The following ERC1 variants were observed in gnomAD, a reference collection of about 807,000 sequenced individuals.
ERC1 encodes ELKS/RAB6-interacting/CAST family member 1, also known as RAB6 interacting protein 2.
ERC1 carries 56 observed loss-of-function variants against 132.0 expected under a neutral mutation model. That is an observed-to-expected ratio of 0.42 (90% confidence interval 0.34 to 0.53). The LOEUF (loss-of-function observed/expected upper bound fraction) is 0.53. Ranked by LOEUF, ERC1 falls within the 20% of genes least tolerant of loss-of-function variation. ERC1 has a pLI of 0.03. For synonymous variants in ERC1, 478 were observed against 476.1 expected (o/e 1.00, Z -0.05); for missense variants, 1,202 against 1,349.9 (o/e 0.89, Z 1.72).
intron 18 of ERC1, among the ~76,000 whole-genome samples, chr12:1,450,545 T>C (rs2093403580): frequency 6.6e-6 from 1 of 152,226 alleles, no homozygotes; most frequent in South Asian, 2.1e-4. Flanking sequence ...ATTCCTCCAT[T>C]GATGAACACT....
intron 18 of ERC1, among the ~76,000 whole-genome samples, chr12:1,473,626 T>A (rs2093911551): frequency 1.5e-5 from 1 of 68,856 alleles, no homozygotes. Flanking sequence ...TGAGACTCTA[T>A]CTCAAAAAAA....
intron 1 of ERC1, among the ~76,000 whole-genome samples, chr12:1,014,699 A>G (rs1171956670): frequency 2.6e-5 from 4 of 151,990 alleles, no homozygotes; most frequent in South Asian, 2.1e-4. Context: ...CCCACTTCAC[A>G]ATATGTTTTT....
At chr12:1,027,219 CATTGAT>C (rs1967040739) in intron 1 of ERC1, among the ~76,000 whole-genome samples, 1 of 152,126 alleles carries the variant, frequency 6.6e-6, no homozygotes, top group Non-Finnish European at 1.5e-5. Context: ...CTGATGTATA[CATTGAT>C]ACTTATATAT....
intron 14 of ERC1, among the ~76,000 whole-genome samples, chr12:1,267,894 TTATAAAG>T (rs2077575987): frequency 6.6e-6 from 1 of 152,240 alleles, no homozygotes; most frequent in East Asian, 1.9e-4. Context: ...ATTATTTGGC[TTATAAAG>T]TATAAATTCT....
At chr12:1,104,359 A>G (rs1945015045) in intron 3 of ERC1, among the ~76,000 whole-genome samples, 1 of 152,080 alleles carries the variant, frequency 6.6e-6, no homozygotes, top group Admixed American at 6.6e-5. Context: ...TTGTGATGGT[A>G]TTTATTTCTC....
At chr12:1,034,526 A>C (rs1451887253) in intron 2 of ERC1, among the ~76,000 whole-genome samples, 1 of 152,234 alleles carries the variant, frequency 6.6e-6, no homozygotes, top group African/African-American at 2.4e-5. Context: ...ATGGATTGAC[A>C]GTATATGTGT....
intron 15 of ERC1, among the ~76,000 whole-genome samples, chr12:1,304,604 A>G (rs1253394397): frequency 1.3e-5 from 2 of 152,180 alleles, no homozygotes; most frequent in Non-Finnish European, 2.9e-5. Context: ...CTATCTTTCA[A>G]TATGCCTGGG....
At chr12:1,130,586 G>A (rs574558068) in intron 7 of ERC1, among the ~76,000 whole-genome samples, 2 of 150,528 alleles carry the variant, frequency 1.3e-5, no homozygotes, top group African/African-American at 4.9e-5. Flanking sequence ...ATGAGTGAAG[G>A]TATCAACATT....
chr12:1,033,389 T>A (rs1968441788), intron 2 of ERC1, among the ~76,000 whole-genome samples: 2 of 152,250 alleles, frequency 1.3e-5, no homozygotes, highest in South Asian at 4.1e-4. Flanking sequence ...CAGACTGGTC[T>A]TGAACTCTCA....
intron 5 of ERC1, among the ~76,000 whole-genome samples, chr12:1,111,070 C>T (rs959580037): frequency 6.6e-6 from 1 of 152,002 alleles, no homozygotes; most frequent in African/African-American, 2.4e-5. Context: ...AGTTCTGTAA[C>T]GGAAAGCCCT....
At chr12:1,081,091 C>T (rs1388823058) in intron 2 of ERC1, among the ~76,000 whole-genome samples, 2 of 152,148 alleles carry the variant, frequency 1.3e-5, no homozygotes, top group Non-Finnish European at 2.9e-5. Context: ...ATCACAGTTT[C>T]GTGTTCTTCC....
intron 18 of ERC1, among the ~76,000 whole-genome samples, chr12:1,473,544 C>T (rs2093908920): frequency 6.7e-6 from 1 of 149,778 alleles, no homozygotes; most frequent in Admixed American, 6.7e-5. Flanking sequence ...GCAGGAAGAT[C>T]ACTTGAGCCC....
At chr12:1,253,830 T>C (rs547222587) in intron 13 of ERC1, among the ~76,000 whole-genome samples, 1 of 152,316 alleles carries the variant, frequency 6.6e-6, no homozygotes, top group Admixed American at 6.5e-5. Context: ...TCCCTGTTAA[T>C]CTGCCTGAGT....
At chr12:1,171,320 A>G (rs185675148) in intron 8 of ERC1, among the ~76,000 whole-genome samples, 26 of 151,892 alleles carry the variant, frequency 1.7e-4, no homozygotes, top group African/African-American at 5.8e-4. Flanking sequence ...TGGAGAAGCA[A>G]AATTTAGATG....
chr12:1,093,658 T>C (rs1309634658), intron 3 of ERC1, among the ~76,000 whole-genome samples: 1 of 152,042 alleles, frequency 6.6e-6, no homozygotes, highest in East Asian at 1.9e-4. Context: ...GTTTTTTGTC[T>C]GTATTTTAAT....
intron 15 of ERC1, among the ~76,000 whole-genome samples, chr12:1,314,393 T>A (rs1226075087): frequency 6.6e-6 from 1 of 152,132 alleles, no homozygotes; most frequent in African/African-American, 2.4e-5. Context: ...AAATGTAACA[T>A]AGTAGCAGAG....
At chr12:1,424,951 C>T (rs935056328) in intron 17 of ERC1, among the ~76,000 whole-genome samples, 11 of 152,102 alleles carry the variant, frequency 7.2e-5, no homozygotes, top group Admixed American at 2.6e-4. Context: ...AGCTCACTAA[C>T]GCATAGCCAG....
chr12:1,477,308 A>C (rs1445290258), intron 18 of ERC1, among the ~76,000 whole-genome samples: 1 of 152,240 alleles, frequency 6.6e-6, no homozygotes, highest in Non-Finnish European at 1.5e-5. Flanking sequence ...GCCCATAATA[A>C]ATGCCCAGTA....
In ERC1 at chr12:1,453,619, C is replaced by A. The variant is rs113448422; in HGVS notation, c.3213+8869C>A. 5.3e-3 allele frequency among the ~76,000 whole-genome samples: 808 copies of A among 152,262 alleles called. 6 individuals are homozygous for A. Among genetic ancestry groups the A allele is most frequent in the African/African-American group, 0.018 (751 of 41,546 alleles). On this transcript the variant is annotated intron_variant, in intron 18 of 18. Coordinates refer to ENST00000360905, the MANE Select transcript of ERC1 (RefSeq NM_178040.4). Reference sequence around the variant, plus strand: ...TGCAGAGGATTCCAGAAGAAAGTTTCCTCTGTGAAAACCTTCTCTTACCAT... The same window carrying A: ...TGCAGAGGATTCCAGAAGAAAGTTTACTCTGTGAAAACCTTCTCTTACCAT...
Sources: allele counts gnomAD v4.1 joint callset (sites outside exome capture counted in the v4.1 genomes callset), GRCh38; gene constraint gnomAD v4.1.1; transcripts MANE v1.5; gene names NCBI Gene and HGNC (gene_info 2026-07-23, HGNC 2026-07-21).